MYO3B: variants seen among roughly 807,000 people sequenced by gnomAD.
MYO3B encodes myosin IIIB.
A neutral mutation model predicts 174.6 loss-of-function variants in MYO3B; 156 were observed. That is an observed-to-expected ratio of 0.89 (90% CI 0.78 to 1.02). The LOEUF is 1.02. MYO3B is among the 50% of genes least tolerant of loss of function. The probability of loss-of-function intolerance (pLI) is 0.00; values close to 1 mark genes in which losing one functional copy is unlikely to be tolerated. For synonymous variants in MYO3B, 563 were observed against 569.1 expected (o/e 0.99, Z 0.15); for missense variants, 1,632 against 1,639.4 (o/e 1.00, Z 0.08).
rs36000141 is a variant in MYO3B, at chr2:170,460,487, C to CAAAAAA, written c.2731-2863_2731-2858dup. ...TAGGTGACAGAGTAAGACTCCGTCT[C>CAAAAAA]AAAAAAAAAAAAAAAAAAAAAAAGA... On this transcript the variant is annotated intron_variant, in intron 23 of 34. Transcript: ENST00000408978. 9.7e-3 allele frequency among the ~76,000 whole-genome samples: 712 copies of CAAAAAA among 73,634 alleles called. 89 individuals carry two copies. The East Asian group carries it at 0.15, about 15-fold the overall frequency. The allele number at this position is 73,634 out of a possible 152,430, so 48.3% of individuals were successfully genotyped here.
intron 30 of MYO3B, among the ~76,000 whole-genome samples, chr2:170,525,160 G>A (rs1189498954): frequency 2.0e-5 from 3 of 152,158 alleles, no homozygotes; most frequent in Non-Finnish European, 4.4e-5. Context: ...AAAGCCTAAA[G>A]CCTCATGGGA....
At chr2:170,215,652 TAAAAA>T (rs936070984) in intron 5 of MYO3B, among the ~76,000 whole-genome samples, 17 of 152,230 alleles carry the variant, frequency 1.1e-4, no homozygotes, top group Non-Finnish European at 2.4e-4. Context: ...AGAAATTACT[TAAAAA>T]TAAATGAGGT....
rs188875577 is a variant in MYO3B at position 170,461,860 on chromosome 2, A to G, written c.2731-1508A>G. ...TGGAGGTCGGCGGGGCCGGGGTAGA[A>G]GAAGAAAATAAGGAGAAAAAAGTTG... On this transcript the variant is annotated intron_variant, in intron 23 of 34. Coordinates refer to ENST00000408978, the MANE Select transcript of MYO3B (RefSeq NM_138995.5). Among the ~76,000 whole-genome samples, 236 of 152,242 alleles carry G rather than the reference A, an allele frequency of 1.6e-3. 1 individual carries two copies. Among genetic ancestry groups the G allele is most frequent in the African/African-American group, 5.5e-3 (228 of 41,556 alleles).
intron 30 of MYO3B, among the ~76,000 whole-genome samples, chr2:170,521,774 C>T (rs1575111381): frequency 2.0e-5 from 3 of 152,260 alleles, no homozygotes; most frequent in Admixed American, 2.0e-4. Context: ...GCTTTTACCA[C>T]CAGACTTCCT....
At chr2:170,400,499 A>G (rs558830528) in intron 17 of MYO3B, among the ~76,000 whole-genome samples, 185 bp downstream of exon 17, 13 of 148,314 alleles carry the variant, frequency 8.8e-5, no homozygotes, top group African/African-American at 3.0e-4. Flanking sequence ...TCTGCCTCCC[A>G]GGTTCAAGCA....
rs924773014 is a variant in MYO3B at position 170,263,954 on chromosome 2, G to A, written c.749+27818G>A. On this transcript the variant is annotated intron_variant, in intron 7 of 34. Transcript: ENST00000408978. Reference sequence around the variant, plus strand: ...TGGGGGAAACCTTGGACAATACCTGGCTTTCCTAGGCAGAGATCCCTGTGG... The same window carrying A: ...TGGGGGAAACCTTGGACAATACCTGACTTTCCTAGGCAGAGATCCCTGTGG... 3.9e-5 allele frequency among the ~76,000 whole-genome samples: 6 copies of A among 152,156 alleles called. No homozygotes were observed. The South Asian group carries it at 6.2e-4, about 16-fold the overall frequency.
intron 1 of MYO3B, among the ~76,000 whole-genome samples, chr2:170,189,537 A>G (rs2092513083): frequency 1.3e-5 from 2 of 150,322 alleles, no homozygotes; most frequent in African/African-American, 4.9e-5. Flanking sequence ...TCTTTTGTCT[A>G]CTCTGACTTT....
chr2:170,335,186 T>C (rs1293478914), intron 7 of MYO3B, among the ~76,000 whole-genome samples, 199 bp from the exon 8 acceptor site: 1 of 152,190 alleles, frequency 6.6e-6, no homozygotes, highest in African/African-American at 2.4e-5. Flanking sequence ...AGGGACATAG[T>C]AGGTCTTCAG....
At position 170,521,302 on chromosome 2, in the gene MYO3B, T is replaced by C. The variant is rs114040382; in HGVS notation, c.3575+1762T>C. Among the ~76,000 whole-genome samples the C allele has an allele frequency of 2.2e-4, 33 of 152,284 alleles. 1 individual carries two copies. The highest frequency in any genetic ancestry group is 7.9e-4 in the African/African-American group (33 of 41,548). ...TAGGAAAAGACCTAATATCTCATATTAGAATAACAAAGTTTACAATTTCTA... is the reference window on the plus strand; with the variant it reads ...TAGGAAAAGACCTAATATCTCATATCAGAATAACAAAGTTTACAATTTCTA... On this transcript the variant is annotated intron_variant, in intron 30 of 34. Coordinates refer to ENST00000408978, the MANE Select transcript of MYO3B (RefSeq NM_138995.5).
At chr2:170,244,365 G>A (rs191273560) in intron 7 of MYO3B, among the ~76,000 whole-genome samples, 409 of 152,260 alleles carry the variant, frequency 2.7e-3, no homozygotes, top group Non-Finnish European at 4.7e-3. Flanking sequence ...AGCCCCACCT[G>A]GAAAGGCTCA....
intron 32 of MYO3B, among the ~76,000 whole-genome samples, chr2:170,552,029 G>A (rs1289872303): frequency 1.3e-5 from 2 of 152,146 alleles, no homozygotes; most frequent in Admixed American, 1.3e-4. Flanking sequence ...TGTACACCCT[G>A]TGGAACTGTG....
chr2:170,249,645 G>A (rs1315033411), intron 7 of MYO3B, among the ~76,000 whole-genome samples: 6 of 152,162 alleles, frequency 3.9e-5, no homozygotes, highest in African/African-American at 1.4e-4. Context: ...GATGATCACT[G>A]CTGCCTTTGT....
chr2:170,403,142 A>C, intron 19 of MYO3B, 147 bp downstream of exon 19: 1 of 702,040 alleles, frequency 1.4e-6, no homozygotes, highest in East Asian at 2.9e-5. Context: ...AATAGTCTAA[A>C]TTTGTCTGGA....
At chr2:170,467,756 A>G (rs1467450976) in intron 25 of MYO3B, among the ~76,000 whole-genome samples, 1 of 148,876 alleles carries the variant, frequency 6.7e-6, no homozygotes, top group African/African-American at 2.5e-5. Context: ...AGTCATAAAT[A>G]TGGTAGCTTG....
At chr2:170,614,833 C>T (rs554911123) in intron 32 of MYO3B, among the ~76,000 whole-genome samples, 1 of 152,304 alleles carries the variant, frequency 6.6e-6, no homozygotes, top group African/African-American at 2.4e-5. Context: ...AGTTCCCTCC[C>T]AGCATGAGCC....
At position 170,357,473 on chromosome 2, in the gene MYO3B, C is replaced by T. The variant is rs182814951; in HGVS notation, c.816-11749C>T. 1.8e-3 allele frequency among the ~76,000 whole-genome samples: 268 copies of T among 151,154 alleles called. 1 individual carries two copies. Among genetic ancestry groups the T allele is most frequent in the Admixed American group, 6.7e-3 (101 of 15,152 alleles). On this transcript the variant is annotated intron_variant, in intron 8 of 34. Transcript: ENST00000408978. Reference sequence around the variant, plus strand: ...AGCCCAGAGCCCCATTTGTGGACACCGCTAACAAAGTCTTTTATTTGGTAT... The same window carrying T: ...AGCCCAGAGCCCCATTTGTGGACACTGCTAACAAAGTCTTTTATTTGGTAT...
intron 7 of MYO3B, among the ~76,000 whole-genome samples, chr2:170,244,922 G>A (rs2093172963): frequency 6.6e-6 from 1 of 152,178 alleles, no homozygotes; most frequent in Admixed American, 6.5e-5. Flanking sequence ...TGGTAGCGAT[G>A]GAATCACAGC....
rs574618097 is a variant in MYO3B at position 170,298,766 on chromosome 2, G to A, written c.750-36619G>A. ...TGGAGTTTTGGAGAGGCTGCACTGG[G>A]CTCTATTTAGGATTTATATCTGTAA... On this transcript the variant is annotated intron_variant, in intron 7 of 34. Coordinates refer to ENST00000408978, the MANE Select transcript of MYO3B (RefSeq NM_138995.5). 1.2e-4 allele frequency among the ~76,000 whole-genome samples: 18 copies of A among 151,878 alleles called. No homozygotes were observed. In the South Asian group the frequency reaches 3.3e-3, roughly 28 times the overall value.
intron 1 of MYO3B, among the ~76,000 whole-genome samples, chr2:170,189,465 G>C (rs1268074740): frequency 2.0e-5 from 3 of 151,460 alleles, no homozygotes; most frequent in Admixed American, 1.3e-4. Context: ...TCTTAGATTT[G>C]CCCTTTTGAG....
Sources: gnomAD v4.1 joint callset for allele counts (sites outside exome capture counted in the v4.1 genomes callset) on GRCh38, gnomAD v4.1.1 for gene constraint, MANE v1.5 for transcripts, NCBI Gene and HGNC (gene_info 2026-07-23, HGNC 2026-07-21) for gene names.